The following CTBP2 variants were observed in gnomAD, a reference collection of about 807,000 sequenced individuals.
The protein encoded by CTBP2 is C-terminal-binding protein 2.
CTBP2 carries 30 observed loss-of-function variants against 80.3 expected under a neutral mutation model. The ratio of observed to expected loss-of-function variants is 0.37; its 90% CI spans 0.28 to 0.51. The LOEUF is 0.51. Ranked by LOEUF, CTBP2 falls within the 20% of genes least tolerant of loss-of-function variation. The pLI is 0.93. For missense variants in CTBP2, 1,212 were observed against 1,375.3 expected, an observed-to-expected ratio of 0.88 and a Z score of 1.88; for synonymous variants, 594 against 587.4, an observed-to-expected ratio of 1.01 and a Z score of -0.16.
At chr10:125,048,630 A>T (rs369577892) in intron 2 of CTBP2, among the ~76,000 whole-genome samples, 2 of 152,148 alleles carry the variant, frequency 1.3e-5, no homozygotes, top group African/African-American at 4.8e-5. Context: ...CAGGGTGTGG[A>T]GTCCCCGACC....
chr10:124,986,857 T>C lies in CTBP2; in HGVS notation c.*2661A>G, dbSNP rs898582493. On this transcript the variant is annotated 3_prime_UTR_variant, in exon 9 of 9. Transcript: ENST00000309035. ...GAGAATTGTTAGAGGGAAAAGCATG[T>C]AGCCATTGCAGTCTGCATTGCAGCC... is the stretch of plus-strand genomic sequence containing the variant. 2.0e-5 allele frequency: 3 copies of C among 151,254 alleles called. No homozygotes were observed. Among genetic ancestry groups the C allele is most frequent in the Non-Finnish European group, 4.4e-5 (3 of 67,930 alleles). The allele number at this position is 151,254 out of a possible 1,614,324, so 9.4% of individuals were successfully genotyped here. A position where few individuals can be genotyped will look rare whatever the true frequency, so the allele number is the denominator to read the frequency against.
intron 3 of CTBP2, among the ~76,000 whole-genome samples, chr10:125,034,270 G>A (rs1958597019): frequency 6.6e-6 from 1 of 152,168 alleles, no homozygotes; most frequent in Non-Finnish European, 1.5e-5. Flanking sequence ...CCCTGGGGAG[G>A]GGTCCCCCAC....
intron 1 of CTBP2, chr10:125,025,947 CCTT>C (rs1957487499): frequency 8.2e-7 from 1 of 1,217,818 alleles, no homozygotes; most frequent in Non-Finnish European, 1.1e-6. Flanking sequence ...AGTGCTGCGT[CCTT>C]CTTGTTTGGT....
intron 2 of CTBP2, among the ~76,000 whole-genome samples, chr10:125,048,419 C>T (rs1042699469): frequency 1.3e-5 from 2 of 152,328 alleles, no homozygotes; most frequent in Admixed American, 6.5e-5. Flanking sequence ...TGCATTTCCC[C>T]GAAAGTTCCA....
At chr10:125,130,782 G>A (rs1012327779) in intron 1 of CTBP2, among the ~76,000 whole-genome samples, 7 of 152,066 alleles carry the variant, frequency 4.6e-5, no homozygotes, top group African/African-American at 1.2e-4. Flanking sequence ...CAAGACTAGC[G>A]GAACTCTAAC....
intron 2 of CTBP2, among the ~76,000 whole-genome samples, chr10:125,060,460 C>CCA (rs747008233): frequency 2.3e-5 from 3 of 132,824 alleles, no homozygotes; most frequent in Non-Finnish European, 4.7e-5. Flanking sequence ...TCCATTCCCC[C>CCA]CACGTGTGTG....
At chr10:125,099,958 C>A (rs77132634) in intron 2 of CTBP2, among the ~76,000 whole-genome samples, 4,744 of 152,266 alleles carry the variant, frequency 0.031, 250 homozygotes, top group African/African-American at 0.11. Context: ...CCAGAAAAAA[C>A]AGCCTTAAAT....
chr10:125,150,350 C>A lies in CTBP2; in HGVS notation c.-206+9969G>T, dbSNP rs111437899. Among the ~76,000 whole-genome samples the A allele has an allele frequency of 3.5e-3, 538 of 152,368 alleles. 3 individuals carry two copies. Among genetic ancestry groups the A allele is most frequent in the Middle Eastern group, 6.8e-3 (2 of 294 alleles). ...AACCCTAAGCACTGTGAAAGCTACA[C>A]ACATAACCCCAGGAGAGTGTGCCCA... On this transcript the variant is annotated intron_variant, in intron 1 of 10. Transcript: ENST00000337195.
intron 3 of CTBP2, chr10:124,998,612 G>A (rs1320176316): frequency 4.6e-6 from 1 of 216,750 alleles, no homozygotes; most frequent in Admixed American, 5.2e-5. Flanking sequence ...ATGGCTTTTG[G>A]TTTTAAGCTA....
intron 1 of CTBP2, among the ~76,000 whole-genome samples, chr10:125,114,678 G>A (rs926672484): frequency 3.9e-5 from 6 of 152,160 alleles, no homozygotes; most frequent in African/African-American, 1.4e-4. Context: ...TGATGGGGGC[G>A]TCTGAGAAAC....
At position 125,066,835 on chromosome 10, in the gene CTBP2, C is replaced by T. The variant is rs1386143798; in HGVS notation, c.-101-27680G>A. Reference sequence around the variant, plus strand: ...CGATCAGTAAATGCCTCAGGGTGAACTCGAGAATCCAGAAGTCTCCAGGGA... The same window carrying T: ...CGATCAGTAAATGCCTCAGGGTGAATTCGAGAATCCAGAAGTCTCCAGGGA... On this transcript the variant is annotated intron_variant, in intron 2 of 10. Coordinates refer to the CTBP2 transcript ENST00000337195. The surrounding 1 kb of genome is among the most constrained non-coding windows in gnomAD (Gnocchi z 4.1). Among the ~76,000 whole-genome samples the T allele has an allele frequency of 6.6e-6, 1 of 152,162 alleles. No homozygotes were observed. The highest frequency in any genetic ancestry group is 1.5e-5 in the Non-Finnish European group (1 of 68,032).
intron 1 of CTBP2, among the ~76,000 whole-genome samples, chr10:125,018,907 A>G (rs1291058271): frequency 4.6e-5 from 7 of 152,198 alleles, no homozygotes; most frequent in Admixed American, 4.6e-4. Flanking sequence ...CCCATGTCCC[A>G]TTGACATTTG....
At chr10:125,098,684 G>GAGAGAGAGAGAGAC (rs1850010847) in intron 2 of CTBP2, among the ~76,000 whole-genome samples, 1 of 124,098 alleles carries the variant, frequency 8.1e-6, no homozygotes, top group Non-Finnish European at 1.7e-5. Flanking sequence ...GAGAGAGAGA[G>GAGAGAGAGAGAGAC]AGAGAGAGAG....
intron 1 of CTBP2, among the ~76,000 whole-genome samples, chr10:125,146,781 G>A (rs934418168): frequency 3.9e-5 from 6 of 152,170 alleles, no homozygotes; most frequent in Admixed American, 1.3e-4. Flanking sequence ...CTGGCTGGGT[G>A]GAGAAAAGAT....
chr10:125,121,570 T>C (rs897506232), intron 1 of CTBP2, among the ~76,000 whole-genome samples: 4 of 152,158 alleles, frequency 2.6e-5, no homozygotes, highest in African/African-American at 9.7e-5. Context: ...AGGCTATGTA[T>C]ATCACAGAAA....
intron 1 of CTBP2, among the ~76,000 whole-genome samples, chr10:125,157,911 G>A (rs1861220728): frequency 6.6e-6 from 1 of 152,128 alleles, no homozygotes; most frequent in South Asian, 2.1e-4. Context: ...GGTTTTTCAG[G>A]AGAATGTCAG....
intron 2 of CTBP2, among the ~76,000 whole-genome samples, chr10:125,056,749 G>A (rs1178406826): frequency 1.3e-5 from 2 of 152,216 alleles, no homozygotes; most frequent in Non-Finnish European, 2.9e-5. Context: ...AGAAACTTCC[G>A]TGGCCTTAGG....
Position 125,145,463 on chromosome 10 carries a change from T to C in CTBP2, c.-206+14856A>G, listed in dbSNP as rs181939217. Among the ~76,000 whole-genome samples the C allele has an allele frequency of 7.2e-3, 1,095 of 152,088 alleles. 9 individuals carry two copies. The highest frequency in any genetic ancestry group is 0.014 in the South Asian group (67 of 4,784). On this transcript the variant is annotated intron_variant, in intron 1 of 10. Coordinates refer to the CTBP2 transcript ENST00000337195. Reference sequence around the variant, plus strand: ...AACCACCAAGCCCACCCAAGCTTCGTAGTATTAAAGGTATCTGCTGTCCCT... The same window carrying C: ...AACCACCAAGCCCACCCAAGCTTCGCAGTATTAAAGGTATCTGCTGTCCCT...
At chr10:125,131,617 T>C (rs1403675671) in intron 1 of CTBP2, among the ~76,000 whole-genome samples, 2 of 152,210 alleles carry the variant, frequency 1.3e-5, no homozygotes, top group Non-Finnish European at 2.9e-5. Context: ...TACGTTCACA[T>C]TGTCTGCTTT....
Sources: gnomAD v4.1 joint callset for allele counts (sites outside exome capture counted in the v4.1 genomes callset) on GRCh38, gnomAD v4.1.1 for gene constraint, Gnocchi (gnomAD v3.1) non-coding constraint, MANE v1.5 for transcripts, NCBI Gene and HGNC (gene_info 2026-07-23, HGNC 2026-07-21) for gene names.